MACROD2: variants seen among roughly 807,000 people sequenced by gnomAD.
MACROD2 encodes mono-ADP ribosylhydrolase 2.
A neutral mutation model predicts 70.4 loss-of-function variants in MACROD2; 36 were observed. The observed-to-expected ratio is 0.51, with a 90% CI of 0.39 to 0.68. MACROD2 has a LOEUF of 0.68. Among genes scored for constraint, MACROD2 ranks in the 30% least tolerant of loss-of-function variants. MACROD2 has a pLI of 0.00. For synonymous variants in MACROD2, 172 were observed against 178.8 expected, an observed-to-expected ratio of 0.96 and a Z score of 0.30; for missense variants, 496 against 538.4, an observed-to-expected ratio of 0.92 and a Z score of 0.78.
intron 5 of MACROD2, among the ~76,000 whole-genome samples, chr20:15,152,369 G>A (rs1428202370): frequency 1.3e-5 from 2 of 151,666 alleles, no homozygotes; most frequent in Non-Finnish European, 2.9e-5. Context: ...ACGGAGAAGA[G>A]GTGGGGGTTC....
chr20:15,567,666 T>C (rs1384346606), intron 8 of MACROD2, among the ~76,000 whole-genome samples: 5 of 152,206 alleles, frequency 3.3e-5, no homozygotes, highest in Admixed American at 2.0e-4. Context: ...GTTTTCAGTA[T>C]TGGAGGATTA....
chr20:15,680,221 A>G (rs1275065675), intron 8 of MACROD2, among the ~76,000 whole-genome samples: 1 of 152,200 alleles, frequency 6.6e-6, no homozygotes, highest in Non-Finnish European at 1.5e-5. Context: ...GGTGTTTCCA[A>G]TTGACCAAAA....
intron 3 of MACROD2, among the ~76,000 whole-genome samples, chr20:14,155,464 A>C (rs373259032): frequency 1.3e-5 from 2 of 152,306 alleles, no homozygotes; most frequent in East Asian, 3.9e-4. Flanking sequence ...CTGTGGTATA[A>C]GGAATGTCAC....
intron 16 of MACROD2, among the ~76,000 whole-genome samples, chr20:16,043,961 T>G (rs1287013289): frequency 6.6e-6 from 1 of 152,130 alleles, no homozygotes; most frequent in East Asian, 1.9e-4. Context: ...CGACTCAGTT[T>G]CAGTTGAGGG....
chr20:14,967,017 T>C (rs1298260894), intron 5 of MACROD2, among the ~76,000 whole-genome samples: 1 of 151,706 alleles, frequency 6.6e-6, no homozygotes, highest in Non-Finnish European at 1.5e-5. Flanking sequence ...ATAGTGGATA[T>C]GTATTGATGG....
In MACROD2 at chr20:14,742,772, T is replaced by A. The variant is rs1332159716; in HGVS notation, c.418+57813T>A. Among the ~76,000 whole-genome samples the A allele has an allele frequency of 3.6e-5, 5 of 138,682 alleles. No individual in the cohort carries two copies. The East Asian group carries it at 1.2e-3, about 35-fold the overall frequency. 91.0% of individuals were successfully genotyped at this position (138,682 alleles called of 152,430 possible). ...ATATAAACTTTATTTTATTTTATTT[T>A]ATTTTTTTTTTTGAGATGGAGTCTC... On this transcript the variant is annotated intron_variant, in intron 5 of 17. Transcript: ENST00000684519.
chr20:15,513,617 T>C (rs1157055097), intron 8 of MACROD2, among the ~76,000 whole-genome samples: 5 of 152,218 alleles, frequency 3.3e-5, no homozygotes, highest in African/African-American at 1.2e-4. Flanking sequence ...AAGATTGATA[T>C]ACTCAAACCC....
At chr20:15,365,385 G>A (rs1357507045) in intron 6 of MACROD2, among the ~76,000 whole-genome samples, 1 of 152,088 alleles carries the variant, frequency 6.6e-6, no homozygotes, top group African/African-American at 2.4e-5. Context: ...ATTGGAAGAG[G>A]CCAGGCATGG....
intron 5 of MACROD2, among the ~76,000 whole-genome samples, chr20:14,963,527 A>G (rs1036377972): frequency 1.3e-5 from 2 of 152,294 alleles, no homozygotes; most frequent in East Asian, 3.9e-4. Flanking sequence ...GACATGAAAA[A>G]TGCCACTTGT....
intron 5 of MACROD2, among the ~76,000 whole-genome samples, chr20:15,218,192 G>T (rs185303992): frequency 1.7e-3 from 263 of 152,260 alleles, no homozygotes; most frequent in South Asian, 0.017. Flanking sequence ...GACAAGCACT[G>T]CAGTAACTCA....
At chr20:14,742,083 C>A (rs893309199) in intron 5 of MACROD2, among the ~76,000 whole-genome samples, 8 of 152,078 alleles carry the variant, frequency 5.3e-5, no homozygotes, top group Non-Finnish European at 1.0e-4. Context: ...GAAAAACGTT[C>A]TTTAAATTTT....
Position 14,969,361 on chromosome 20 carries a change from TACACAC to T in MACROD2, c.419-260543_419-260538del, listed in dbSNP as rs3045701. Among the ~76,000 whole-genome samples, 1,327 of 138,118 alleles carry T rather than the reference TACACAC, an allele frequency of 9.6e-3. 9 individuals are homozygous for T. Among genetic ancestry groups the T allele is most frequent in the African/African-American group, 0.026 (976 of 37,220 alleles). 90.6% of individuals were successfully genotyped at this position (138,118 alleles called of 152,430 possible). Reference sequence around the variant, plus strand: ...AATTTAAAAGCTATATAAATGCTTTTACACACACACACACACACACACACACACACA... The same window carrying T: ...AATTTAAAAGCTATATAAATGCTTTTACACACACACACACACACACACACA... On this transcript the variant is annotated intron_variant, in intron 5 of 17. Transcript: ENST00000684519.
chr20:15,119,588 G>A (rs548520929), intron 5 of MACROD2, among the ~76,000 whole-genome samples: 33 of 152,148 alleles, frequency 2.2e-4, no homozygotes, highest in Non-Finnish European at 4.0e-4. Flanking sequence ...AAAGATTAAA[G>A]ATTAATGCTT....
At chr20:15,646,983 A>G (rs1031578928) in intron 8 of MACROD2, among the ~76,000 whole-genome samples, 1 of 152,314 alleles carries the variant, frequency 6.6e-6, no homozygotes, top group Middle Eastern at 3.4e-3. Flanking sequence ...CAGAATCCAT[A>G]CTGTGTGTCC....
At chr20:15,247,776 C>T (rs542232574) in intron 6 of MACROD2, among the ~76,000 whole-genome samples, 1 of 152,184 alleles carries the variant, frequency 6.6e-6, no homozygotes, top group East Asian at 1.9e-4. Flanking sequence ...CAGCTCACTG[C>T]AACCTCCACC....
chr20:14,137,036 A>T (rs1445673182), intron 3 of MACROD2, among the ~76,000 whole-genome samples: 1 of 152,206 alleles, frequency 6.6e-6, no homozygotes, highest in Non-Finnish European at 1.5e-5. Context: ...TGCTTTAAGC[A>T]CATCTCACTG....
At chr20:15,126,348 C>A (rs930727288) in intron 5 of MACROD2, among the ~76,000 whole-genome samples, 1 of 151,948 alleles carries the variant, frequency 6.6e-6, no homozygotes, top group Non-Finnish European at 1.5e-5. Flanking sequence ...TGGTTGCCAA[C>A]ACTTGTAGTT....
intron 3 of MACROD2, among the ~76,000 whole-genome samples, chr20:14,393,854 C>G (rs563597860): frequency 6.6e-6 from 1 of 152,004 alleles, no homozygotes; most frequent in Non-Finnish European, 1.5e-5. Flanking sequence ...TGATGTCATG[C>G]GGGTGGAGCC....
At chr20:14,119,154 C>G (rs1569166579) in intron 3 of MACROD2, among the ~76,000 whole-genome samples, 1 of 116,622 alleles carries the variant, frequency 8.6e-6, no homozygotes, top group African/African-American at 3.1e-5. Flanking sequence ...GGCCAAATGA[C>G]TGTGATTTTT....
Sources: allele counts gnomAD v4.1 joint callset (sites outside exome capture counted in the v4.1 genomes callset), GRCh38; gene constraint gnomAD v4.1.1; transcripts MANE v1.5; gene names NCBI Gene and HGNC (gene_info 2026-07-23, HGNC 2026-07-21).